NTN1: variants seen among roughly 807,000 people sequenced by gnomAD.
NTN1 encodes the protein netrin 1.
NTN1 carries 11 observed loss-of-function variants against 54.2 expected under a neutral mutation model. The observed-to-expected ratio is 0.20, with a 90% CI of 0.13 to 0.34. The LOEUF is 0.34. NTN1 is among the 10% of genes least tolerant of loss of function. The pLI is 1.00. For missense variants in NTN1, 740 were observed against 893.1 expected, an observed-to-expected ratio of 0.83 and a Z score of 2.18; for synonymous variants, 371 against 382.0, an observed-to-expected ratio of 0.97 and a Z score of 0.33.
intron 5 of NTN1, among the ~76,000 whole-genome samples, chr17:9,197,620 A>G (rs1216188166): frequency 6.6e-6 from 1 of 150,566 alleles, no homozygotes; most frequent in African/African-American, 2.4e-5. Context: ...AGATCACAGC[A>G]CTGCACTCCG....
intron 2 of NTN1, among the ~76,000 whole-genome samples, chr17:9,052,386 C>T (rs2091963873): frequency 6.6e-6 from 1 of 152,196 alleles, no homozygotes; most frequent in Non-Finnish European, 1.5e-5. Flanking sequence ...GTCCACCTCT[C>T]AGTACCCACC....
chr17:9,016,047 C>T, the NTN1 span, among the ~76,000 whole-genome samples: 3 of 151,864 alleles, frequency 2.0e-5, no homozygotes, highest in Admixed American at 2.0e-4. Flanking sequence ...GCACTCCAGC[C>T]TGGGCGACAA....
chr17:9,219,930 C>T lies in NTN1; in HGVS notation c.1412-1238C>T, dbSNP rs1334852586. ...CACACACCCAGCCAACTTCCATCAA[C>T]CCATGCCACCACTGCTTCTAGAACA... On this transcript the variant is annotated intron_variant, in intron 5 of 6. Transcript: ENST00000173229. This position sits in a 1 kb window ranked among gnomAD's most constrained non-coding sequence, Gnocchi z 4.5. 6.6e-6 allele frequency among the ~76,000 whole-genome samples: 1 copy of T among 152,238 alleles called. No homozygotes were observed. Among genetic ancestry groups the T allele is most frequent in the African/African-American group, 2.4e-5 (1 of 41,462 alleles).
At chr17:9,193,937 A>AAAAAAAC (rs1555574994) in intron 5 of NTN1, among the ~76,000 whole-genome samples, 2 of 139,222 alleles carry the variant, frequency 1.4e-5, no homozygotes, top group African/African-American at 5.5e-5. Flanking sequence ...AAAAAAAAAA[A>AAAAAAAC]AAAAAAACAT....
intron 6 of NTN1, among the ~76,000 whole-genome samples, chr17:9,232,563 T>A (rs1410520314): frequency 6.6e-6 from 1 of 152,150 alleles, no homozygotes; most frequent in Admixed American, 6.5e-5. Context: ...TTCAGCCAGC[T>A]CTACGTTGGG....
At chr17:9,024,749 A>G (rs1222842196) in intron 2 of NTN1, among the ~76,000 whole-genome samples, 1 of 152,106 alleles carries the variant, frequency 6.6e-6, no homozygotes, top group Admixed American at 6.5e-5. Context: ...GGAGGCCTCC[A>G]TTTTTACGCT....
chr17:9,096,485 C>T lies in NTN1; in HGVS notation c.1019-66328C>T, dbSNP rs1249080785. Reference sequence around the variant, plus strand: ...TCCCGGGTTCACGCCATTCTCCTGCCTCAGCCTCCCGAGTAGCTGGGAGTA... The same window carrying T: ...TCCCGGGTTCACGCCATTCTCCTGCTTCAGCCTCCCGAGTAGCTGGGAGTA... On this transcript the variant is annotated intron_variant, in intron 2 of 6. Coordinates refer to ENST00000173229, the MANE Select transcript of NTN1 (RefSeq NM_004822.3). 2.0e-5 allele frequency among the ~76,000 whole-genome samples: 3 copies of T among 149,528 alleles called. No individual in the cohort carries two copies. In the East Asian group the frequency reaches 6.2e-4, roughly 31 times the overall value.
rs779538713 is a variant in NTN1 at position 9,134,224 on chromosome 17, C to T, written c.1019-28589C>T. ...GGCCCTCATTGAATGTTTAAAAGCC[C>T]CACTCATCTCATAAACAGGATTCCC... On this transcript the variant is annotated intron_variant, in intron 2 of 6. Coordinates refer to ENST00000173229, the MANE Select transcript of NTN1 (RefSeq NM_004822.3). Among the ~76,000 whole-genome samples, 121 of 151,978 alleles carry T rather than the reference C, an allele frequency of 8.0e-4. 1 individual carries two copies. The highest frequency in any genetic ancestry group is 1.5e-3 in the Non-Finnish European group (103 of 67,984).
intron 2 of NTN1, among the ~76,000 whole-genome samples, chr17:9,064,604 C>T (rs1597475014): frequency 6.6e-6 from 1 of 152,216 alleles, no homozygotes; most frequent in African/African-American, 2.4e-5. Flanking sequence ...TGTCATCCTG[C>T]ACACTGTCAT....
chr17:9,027,609 A>G (rs1320599230), intron 2 of NTN1, among the ~76,000 whole-genome samples: 1 of 152,180 alleles, frequency 6.6e-6, no homozygotes, highest in East Asian at 1.9e-4. Flanking sequence ...TCTTGCTAGA[A>G]CTGGGCGTGG....
chr17:9,122,319 C>T (rs2092234141), intron 2 of NTN1, among the ~76,000 whole-genome samples: 1 of 152,228 alleles, frequency 6.6e-6, no homozygotes, highest in Non-Finnish European at 1.5e-5. Context: ...CAGGCGTGAG[C>T]CACCACACCC....
intron 2 of NTN1, among the ~76,000 whole-genome samples, chr17:9,112,622 G>A (rs538680052): frequency 2.2e-4 from 32 of 148,222 alleles, no homozygotes; most frequent in African/African-American, 7.5e-4. Flanking sequence ...TCAGGAGATC[G>A]AGACCATCCT....
intron 6 of NTN1, among the ~76,000 whole-genome samples, chr17:9,238,872 A>C (rs370859721): frequency 3.2e-4 from 49 of 152,328 alleles, no homozygotes; most frequent in African/African-American, 1.2e-3. Context: ...GATCTGTTCA[A>C]TCTGAAGCTC....
upstream of NTN1, among the ~76,000 whole-genome samples, chr17:9,016,916 A>G (rs1397788569): frequency 1.3e-5 from 2 of 152,186 alleles, no homozygotes; most frequent in Non-Finnish European, 2.9e-5. Context: ...ACAAACTTCA[A>G]TAGGCCCTTT....
chr17:9,091,431 G>C lies in NTN1; in HGVS notation c.1018+68040G>C, dbSNP rs574598094. On this transcript the variant is annotated intron_variant, in intron 2 of 6. Transcript: ENST00000173229. Reference sequence around the variant, plus strand: ...CACAGTGCCTGACCAAAGTTAAACTGGATCCTACGTTTAACCCCCCGCCTT... The same window carrying C: ...CACAGTGCCTGACCAAAGTTAAACTCGATCCTACGTTTAACCCCCCGCCTT... Among the ~76,000 whole-genome samples the C allele has an allele frequency of 3.4e-5, 5 of 149,162 alleles. No individual in the cohort carries two copies. In the East Asian group the frequency reaches 1.0e-3, roughly 30 times the overall value.
chr17:9,057,927 G>T (rs2091984337), intron 2 of NTN1, among the ~76,000 whole-genome samples: 1 of 152,160 alleles, frequency 6.6e-6, no homozygotes, highest in African/African-American at 2.4e-5. Flanking sequence ...TCGCTGTGTT[G>T]TCCAGGCTGG....
chr17:9,122,569 C>T (rs1056585126), intron 2 of NTN1, among the ~76,000 whole-genome samples: 1 of 152,190 alleles, frequency 6.6e-6, no homozygotes, highest in East Asian at 1.9e-4. Context: ...TGTTAGGCAT[C>T]GCCCAGCCCC....
At chr17:9,083,779 C>T (rs1246049773) in intron 2 of NTN1, among the ~76,000 whole-genome samples, 3 of 152,198 alleles carry the variant, frequency 2.0e-5, no homozygotes, top group African/African-American at 2.4e-5. Flanking sequence ...TGAATGAACC[C>T]GGTTCTACCT....
chr17:9,082,275 G>C (rs2092073866), intron 2 of NTN1, among the ~76,000 whole-genome samples: 1 of 152,148 alleles, frequency 6.6e-6, no homozygotes, highest in African/African-American at 2.4e-5. Context: ...TGGCTAGGCT[G>C]GTCTCAAACT....
Sources: gnomAD v4.1 joint callset for allele counts (sites outside exome capture counted in the v4.1 genomes callset) on GRCh38, gnomAD v4.1.1 for gene constraint, Gnocchi (gnomAD v3.1) non-coding constraint, MANE v1.5 for transcripts, NCBI Gene and HGNC (gene_info 2026-07-23, HGNC 2026-07-21) for gene names.